Variants in KHDRBS2 observed in about 807,000 individuals in gnomAD.
KHDRBS2 encodes the protein KH domain-containing, RNA-binding, signal transduction-associated protein 2.
A neutral mutation model predicts 44.3 loss-of-function variants in KHDRBS2; 26 were observed. That is an observed-to-expected ratio of 0.59 (90% CI 0.43 to 0.81). KHDRBS2 has a LOEUF of 0.81. KHDRBS2 is among the 40% of genes least tolerant of loss of function. The pLI is 0.00. For missense variants in KHDRBS2, 476 were observed against 433.1 expected (o/e 1.10, Z -0.88); for synonymous variants, 194 against 151.1 (o/e 1.28, Z -2.08).
At chr6:61,814,103 A>C in intron 6 of KHDRBS2, 6 of 454,842 alleles carry the variant, frequency 1.3e-5, no homozygotes, top group South Asian at 9.3e-5. Context: ...GCTGACTTTT[A>C]AGTCCACTCA....
At chr6:62,242,236 C>T (rs1388239098) in intron 1 of KHDRBS2, among the ~76,000 whole-genome samples, 1 of 152,154 alleles carries the variant, frequency 6.6e-6, no homozygotes, top group African/African-American at 2.4e-5. Flanking sequence ...TTTTAACTTA[C>T]AGAACATTCT....
chr6:61,782,644 T>C (rs749282091), intron 6 of KHDRBS2, among the ~76,000 whole-genome samples: 15 of 146,954 alleles, frequency 1.0e-4, no homozygotes, highest in Non-Finnish European at 2.2e-4. Flanking sequence ...TTTAATAGCA[T>C]ATAACAATAA....
chr6:61,993,346 T>A (rs1243159426), intron 3 of KHDRBS2, among the ~76,000 whole-genome samples: 1 of 152,088 alleles, frequency 6.6e-6, no homozygotes, highest in Non-Finnish European at 1.5e-5. Context: ...AGACTCGCTC[T>A]TTCTTTACTC....
chr6:61,930,569 GCTAGT>G (rs1440857270), intron 4 of KHDRBS2, among the ~76,000 whole-genome samples: 15 of 94,126 alleles, frequency 1.6e-4, no homozygotes, highest in Non-Finnish European at 2.1e-4. Context: ...AAAAAAAAAG[GCTAGT>G]CTAGTCTAGT....
intron 1 of KHDRBS2, among the ~76,000 whole-genome samples, chr6:62,230,496 T>C (rs1832724203): frequency 6.6e-6 from 1 of 152,206 alleles, no homozygotes; most frequent in South Asian, 2.1e-4. Context: ...GAACAGACTA[T>C]AGCAATATAA....
chr6:61,855,102 A>G (rs144055726), intron 6 of KHDRBS2, among the ~76,000 whole-genome samples: 14 of 152,198 alleles, frequency 9.2e-5, no homozygotes, highest in African/African-American at 2.9e-4. Flanking sequence ...TTTTCCATAT[A>G]ATGACTGTCT....
chr6:61,967,166 T>C (rs1044692821), intron 4 of KHDRBS2, among the ~76,000 whole-genome samples: 3 of 142,672 alleles, frequency 2.1e-5, no homozygotes, highest in Non-Finnish European at 3.0e-5. Context: ...CATGTTTAAA[T>C]GATTAGATTG....
chr6:61,714,550 A>G (rs1562013598), intron 7 of KHDRBS2, among the ~76,000 whole-genome samples: 2 of 151,942 alleles, frequency 1.3e-5, no homozygotes, highest in African/African-American at 4.8e-5. Flanking sequence ...TAACTACCCA[A>G]AGGAAAATAA....
At chr6:61,807,896 G>A (rs1195505632) in intron 6 of KHDRBS2, among the ~76,000 whole-genome samples, 1 of 151,974 alleles carries the variant, frequency 6.6e-6, no homozygotes, top group Non-Finnish European at 1.5e-5. Flanking sequence ...TACTCAGTGT[G>A]TTACATACGG....
chr6:62,231,655 T>C (rs191805390), intron 1 of KHDRBS2, among the ~76,000 whole-genome samples: 1 of 152,294 alleles, frequency 6.6e-6, no homozygotes, highest in Admixed American at 6.5e-5. Context: ...TAATAAATTA[T>C]GCATATCAGG....
chr6:61,792,503 T>G (rs1461328121), intron 6 of KHDRBS2, among the ~76,000 whole-genome samples: 1 of 151,770 alleles, frequency 6.6e-6, no homozygotes, highest in Non-Finnish European at 1.5e-5. Context: ...TCTTTACTAA[T>G]TTGGCTCTTA....
At chr6:61,811,418 C>A (rs1223951353) in intron 6 of KHDRBS2, among the ~76,000 whole-genome samples, 1 of 152,058 alleles carries the variant, frequency 6.6e-6, no homozygotes, top group Non-Finnish European at 1.5e-5. Flanking sequence ...ACATCCAAGT[C>A]CATGTGTCTC....
At chr6:61,671,774 T>C in the KHDRBS2 span, among the ~76,000 whole-genome samples, 72 of 151,944 alleles carry the variant, frequency 4.7e-4, 2 homozygotes, top group South Asian at 7.0e-3. Context: ...CTTGGGTTCT[T>C]AACACATGAC....
At chr6:61,971,786 G>C (rs557968762) in intron 4 of KHDRBS2, among the ~76,000 whole-genome samples, 1 of 151,982 alleles carries the variant, frequency 6.6e-6, no homozygotes, top group African/African-American at 2.4e-5. Context: ...CTGCTCTATT[G>C]TTGCCACCAT....
intron 6 of KHDRBS2, among the ~76,000 whole-genome samples, chr6:61,750,085 T>C (rs1171150838): frequency 6.6e-6 from 1 of 152,146 alleles, no homozygotes; most frequent in African/African-American, 2.4e-5. Flanking sequence ...AGATATCAGA[T>C]ATATCTTACA....
chr6:61,665,745 A>T, the KHDRBS2 span, among the ~76,000 whole-genome samples: 1 of 151,226 alleles, frequency 6.6e-6, no homozygotes, highest in Non-Finnish European at 1.5e-5. Flanking sequence ...TGTGTAATAT[A>T]AAGAATACTT....
At chr6:61,766,724 G>A (rs1459247708) in intron 6 of KHDRBS2, among the ~76,000 whole-genome samples, 1 of 151,960 alleles carries the variant, frequency 6.6e-6, no homozygotes, top group East Asian at 1.9e-4. Context: ...TGAACCACCG[G>A]TCATTTAGAA....
chr6:61,945,799 A>G (rs1235480896), intron 4 of KHDRBS2, among the ~76,000 whole-genome samples: 7 of 152,170 alleles, frequency 4.6e-5, no homozygotes, highest in Admixed American at 6.5e-5. Flanking sequence ...TTCCTAAAAT[A>G]GTAACATCAA....
At chr6:61,629,780 T>C in the KHDRBS2 span, among the ~76,000 whole-genome samples, 10 of 152,244 alleles carry the variant, frequency 6.6e-5, no homozygotes, top group Non-Finnish European at 1.2e-4. Context: ...GAGATGAATG[T>C]GTTTGAAAAT....
Sources: gnomAD v4.1 joint callset for allele counts (sites outside exome capture counted in the v4.1 genomes callset) on GRCh38, gnomAD v4.1.1 for gene constraint, MANE v1.5 for transcripts, NCBI Gene and HGNC (gene_info 2026-07-23, HGNC 2026-07-21) for gene names.